Variants in CCDC38 observed in about 807,000 individuals in gnomAD.
CCDC38 encodes the protein coiled-coil domain containing 38.
A neutral mutation model predicts 72.8 loss-of-function variants in CCDC38; 69 were observed. The observed-to-expected ratio is 0.95, with a 90% CI of 0.78 to 1.16. The LOEUF (loss-of-function observed/expected upper bound fraction) is 1.16. Among genes scored for constraint, CCDC38 ranks in the 50% most tolerant of loss-of-function variants. CCDC38 has a pLI of 0.00. For missense variants in CCDC38, 626 were observed against 638.9 expected, an observed-to-expected ratio of 0.98 and a Z score of 0.22; for synonymous variants, 201 against 213.2, an observed-to-expected ratio of 0.94 and a Z score of 0.50.
At position 95,874,839 on chromosome 12, in the gene CCDC38, G is replaced by A. The variant is rs558590688; in HGVS notation, c.1279-2379C>T. ...AAAACGGGAGAGGGGAAAGGTTGCC[G>A]GGGTGGATATCTAGATGTCATTGAA... On this transcript the variant is annotated intron_variant, in intron 13 of 15. Coordinates refer to ENST00000344280, the MANE Select transcript of CCDC38 (RefSeq NM_182496.3). 5.3e-5 allele frequency among the ~76,000 whole-genome samples: 8 copies of A among 152,292 alleles called. No homozygotes were observed. In the South Asian group the frequency reaches 1.4e-3, roughly 28 times the overall value.
intron 10 of CCDC38, among the ~76,000 whole-genome samples, chr12:95,888,061 A>G (rs2121448648): frequency 6.6e-6 from 1 of 152,326 alleles, no homozygotes; most frequent in African/African-American, 2.4e-5. Flanking sequence ...TGAAATAATG[A>G]GTACAAATGA....
intron 2 of CCDC38, among the ~76,000 whole-genome samples, chr12:95,931,269 T>C (rs2080334961): frequency 6.6e-6 from 1 of 152,204 alleles, no homozygotes; most frequent in Admixed American, 6.5e-5. Flanking sequence ...GTGCATCACT[T>C]TAGCCTCTAC....
intron 10 of CCDC38, 92 bp downstream of exon 10, chr12:95,888,357 AGTTATGGGT>A: frequency 9.8e-7 from 1 of 1,015,620 alleles, no homozygotes; most frequent in South Asian, 1.4e-5. Context: ...CTCTTACAAC[AGTTATGGGT>A]ACATGACATA....
At chr12:95,899,745 A>G (rs1341955379) in intron 5 of CCDC38, among the ~76,000 whole-genome samples, 2 of 152,252 alleles carry the variant, frequency 1.3e-5, no homozygotes, top group Non-Finnish European at 2.9e-5. Context: ...ATAGCAAAAA[A>G]TGCTTCATTC....
At chr12:95,935,331 G>A (rs2080381466) in intron 2 of CCDC38, 1 of 155,562 alleles carries the variant, frequency 6.4e-6, no homozygotes, top group African/African-American at 2.4e-5. Flanking sequence ...TCCCTTGGAG[G>A]CAGGTCAGCG....
intron 2 of CCDC38, among the ~76,000 whole-genome samples, chr12:95,929,700 G>T (rs1440028443): frequency 6.6e-6 from 1 of 152,200 alleles, no homozygotes; most frequent in Non-Finnish European, 1.5e-5. Flanking sequence ...CAGAGAAATA[G>T]AAGAAAACTA....
At chr12:95,916,845 C>G (rs12367845) in intron 4 of CCDC38, among the ~76,000 whole-genome samples, 13,998 of 152,160 alleles carry the variant, frequency 0.092, 811 homozygotes, top group Non-Finnish European at 0.12. Flanking sequence ...AGAGCTATTA[C>G]CTTTACATTT....
chr12:95,917,824 T>C (rs1377292254), intron 3 of CCDC38, among the ~76,000 whole-genome samples: 4 of 138,214 alleles, frequency 2.9e-5, no homozygotes, highest in African/African-American at 1.1e-4. Context: ...TGAGCCGAGA[T>C]CACACCACCG....
At position 95,876,373 on chromosome 12, in the gene CCDC38, A is replaced by T. The variant is rs76816617; in HGVS notation, c.1278+1838T>A. On this transcript the variant is annotated intron_variant, in intron 13 of 15. Coordinates refer to ENST00000344280, the MANE Select transcript of CCDC38 (RefSeq NM_182496.3). Reference sequence around the variant, plus strand: ...GAAGAGTTTTGGAGATTGCAAAACAACATGAATGTACTTAACACTACTGAC... The same window carrying T: ...GAAGAGTTTTGGAGATTGCAAAACATCATGAATGTACTTAACACTACTGAC... Among the ~76,000 whole-genome samples, 281 of 152,352 alleles carry T rather than the reference A, an allele frequency of 1.8e-3. 1 individual carries two copies. The highest frequency in any genetic ancestry group is 6.5e-3 in the African/African-American group (270 of 41,578).
At chr12:95,938,754 A>G (rs1228428632) in intron 1 of CCDC38, among the ~76,000 whole-genome samples, 1 of 152,232 alleles carries the variant, frequency 6.6e-6, no homozygotes, top group Non-Finnish European at 1.5e-5. Context: ...CCCCTTTCCA[A>G]TCAGAAAAAA....
chr12:95,920,947 G>A (rs946233330), intron 2 of CCDC38, among the ~76,000 whole-genome samples: 8 of 152,166 alleles, frequency 5.3e-5, no homozygotes, highest in Middle Eastern at 3.4e-3. Flanking sequence ...TGACCAACGT[G>A]GAGAAACCCC....
chr12:95,873,196 A>G (rs2079600325), intron 13 of CCDC38, among the ~76,000 whole-genome samples: 1 of 152,182 alleles, frequency 6.6e-6, no homozygotes, highest in South Asian at 2.1e-4. Context: ...TTGCGAAACT[A>G]TAATCATCCT....
At chr12:95,928,348 G>T (rs1454152050) in intron 2 of CCDC38, among the ~76,000 whole-genome samples, 1 of 152,280 alleles carries the variant, frequency 6.6e-6, no homozygotes, top group African/African-American at 2.4e-5. Context: ...TGAGGCTTCT[G>T]CATTCTTCAC....
chr12:95,930,716 T>C (rs1044042798), intron 2 of CCDC38, among the ~76,000 whole-genome samples: 12 of 152,184 alleles, frequency 7.9e-5, no homozygotes, highest in African/African-American at 2.9e-4. Context: ...ATACCTGCAA[T>C]GTACATCAAA....
At chr12:95,940,427 T>C (rs1474901126) in intron 1 of CCDC38, among the ~76,000 whole-genome samples, 1 of 150,982 alleles carries the variant, frequency 6.6e-6, no homozygotes, top group African/African-American at 2.5e-5. Flanking sequence ...ATTATTCGAA[T>C]CAGTTTATTT....
intron 2 of CCDC38, among the ~76,000 whole-genome samples, chr12:95,931,035 G>A (rs2080332261): frequency 6.6e-6 from 1 of 152,172 alleles, no homozygotes; most frequent in East Asian, 1.9e-4. Context: ...TATTGCCGCT[G>A]TAACAAATTA....
chr12:95,881,650 T>G (rs2079701694), intron 10 of CCDC38, 96 bp from the exon 11 acceptor site: 2 of 857,348 alleles, frequency 2.3e-6, no homozygotes, highest in East Asian at 2.8e-5. Flanking sequence ...GGAACCCAAC[T>G]GTAACATAAT....
intron 11 of CCDC38, among the ~76,000 whole-genome samples, chr12:95,881,081 G>A (rs1037991796): frequency 1.7e-4 from 26 of 151,876 alleles, no homozygotes; most frequent in African/African-American, 4.6e-4. Flanking sequence ...GTTGCATTTC[G>A]GGTGGGGTTA....
chr12:95,920,695 G>C (rs977782633), intron 2 of CCDC38, among the ~76,000 whole-genome samples: 1 of 152,118 alleles, frequency 6.6e-6, no homozygotes, highest in African/African-American at 2.4e-5. Flanking sequence ...CTTGGGGCTG[G>C]AGGGTGGATG....
Sources: gnomAD v4.1 joint callset for allele counts (sites outside exome capture counted in the v4.1 genomes callset) on GRCh38, gnomAD v4.1.1 for gene constraint, MANE v1.5 for transcripts, NCBI Gene and HGNC (gene_info 2026-07-23, HGNC 2026-07-21) for gene names.